Variants in NPAS2 observed in about 807,000 individuals in gnomAD.
NPAS2 encodes neuronal PAS domain-containing protein 2.
NPAS2 carries 23 observed loss-of-function variants against 107.5 expected under a neutral mutation model. That is an observed-to-expected ratio of 0.21 (90% confidence interval 0.15 to 0.30). The LOEUF (loss-of-function observed/expected upper bound fraction) is 0.30. Among genes scored for constraint, NPAS2 ranks in the 10% least tolerant of loss-of-function variants. The probability of loss-of-function intolerance (pLI) is 1.00; values close to 1 mark genes in which losing one functional copy is unlikely to be tolerated. For missense variants in NPAS2, 756 were observed against 1,043.3 expected, an observed-to-expected ratio of 0.72 and a Z score of 3.79; for synonymous variants, 403 against 417.5, an observed-to-expected ratio of 0.97 and a Z score of 0.42.
chr2:100,872,968 TC>T (rs1679669902), intron 1 of NPAS2, among the ~76,000 whole-genome samples: 2 of 152,038 alleles, frequency 1.3e-5, no homozygotes, highest in African/African-American at 2.4e-5. Context: ...ACCAAAGACT[TC>T]CTGGTTCAAT....
At chr2:100,900,772 A>G (rs1573578177) in intron 1 of NPAS2, among the ~76,000 whole-genome samples, 1 of 152,292 alleles carries the variant, frequency 6.6e-6, no homozygotes, top group Non-Finnish European at 1.5e-5. Context: ...GCTTTTTCAC[A>G]TTAATTTTAG....
At chr2:100,967,367 C>A (rs899688453) in intron 10 of NPAS2, among the ~76,000 whole-genome samples, 153 of 149,642 alleles carry the variant, frequency 1.0e-3, no homozygotes, top group Middle Eastern at 7.2e-3. Context: ...GCTGGGACAA[C>A]AGACGCCCGC....
chr2:100,897,659 A>G (rs1681497833), intron 1 of NPAS2, among the ~76,000 whole-genome samples: 1 of 152,086 alleles, frequency 6.6e-6, no homozygotes, highest in South Asian at 2.1e-4. Context: ...GACTCCCTAA[A>G]ACATCAGAAC....
chr2:100,993,904 A>G, intron 20 of NPAS2: 1 of 189,258 alleles, frequency 5.3e-6, no homozygotes, highest in Non-Finnish European at 1.1e-5. Context: ...CTATATAAAC[A>G]TAAAGTTAAA....
At chr2:100,990,660 G>A in intron 18 of NPAS2, 120 bp from the exon 19 acceptor site, 1 of 1,063,168 alleles carries the variant, frequency 9.4e-7, no homozygotes, top group South Asian at 1.4e-5. Context: ...ATGAAGCCAG[G>A]AGAGTGGGGA....
At chr2:100,917,373 C>T (rs1478272115) in intron 2 of NPAS2, among the ~76,000 whole-genome samples, 1 of 151,976 alleles carries the variant, frequency 6.6e-6, no homozygotes, top group East Asian at 1.9e-4. Flanking sequence ...ACTAAAAATA[C>T]AAAAATTAGC....
rs569833866 is a variant in NPAS2, at chr2:100,953,230, C to T, written c.598+3750C>T. 1.3e-4 allele frequency among the ~76,000 whole-genome samples: 20 copies of T among 151,804 alleles called. No homozygotes were observed. The East Asian group carries it at 3.9e-3, about 30-fold the overall frequency. Reference sequence around the variant, plus strand: ...TCTCTACTAAAAATACAAGAATTAGCCGAGTGTGGTGGCATTAGCCTGTAA... The same window carrying T: ...TCTCTACTAAAAATACAAGAATTAGTCGAGTGTGGTGGCATTAGCCTGTAA... On this transcript the variant is annotated intron_variant, in intron 7 of 20. Transcript: ENST00000335681.
intron 1 of NPAS2, among the ~76,000 whole-genome samples, chr2:100,831,836 G>C (rs1261005176): frequency 1.3e-5 from 2 of 152,088 alleles, no homozygotes; most frequent in Non-Finnish European, 2.9e-5. Context: ...TCCAGTTCAA[G>C]GTGGCCTTGA....
intron 4 of NPAS2, among the ~76,000 whole-genome samples, chr2:100,935,364 G>A (rs570634660): frequency 7.2e-5 from 11 of 152,298 alleles, no homozygotes; most frequent in Non-Finnish European, 1.2e-4. Flanking sequence ...AATGTGTGGC[G>A]GTTAGAAAAT....
chr2:100,937,970 G>A lies in NPAS2; in HGVS notation c.363+128G>A, dbSNP rs1684443476. The A allele has an allele frequency of 1.0e-5, 8 of 794,096 alleles. No homozygotes were observed. In the South Asian group the frequency reaches 1.2e-4, roughly 11 times the overall value. 49.2% of individuals were successfully genotyped at this position (794,096 alleles called of 1,614,324 possible). On this transcript the variant is annotated intron_variant, in intron 5 of 20. Coordinates refer to ENST00000335681, the MANE Select transcript of NPAS2 (RefSeq NM_002518.4). Reference sequence around the variant, plus strand: ...AGGTGAGAAGAGGGCGGAGAGTAAAGGACTGCTGAGTTTTGGGGACAGGAC... The same window carrying A: ...AGGTGAGAAGAGGGCGGAGAGTAAAAGACTGCTGAGTTTTGGGGACAGGAC...
At chr2:100,838,173 CTTT>C (rs35830048) in intron 1 of NPAS2, among the ~76,000 whole-genome samples, 34 of 134,070 alleles carry the variant, frequency 2.5e-4, no homozygotes, top group African/African-American at 8.4e-4. Context: ...CCTGGGTTAG[CTTT>C]TTTTTTTTTT....
chr2:100,990,441 G>A lies in NPAS2; in HGVS notation c.2013G>A (p.Gln671=), dbSNP rs759438730. ...QPSPDFSHDR[Q]LRLLLSQPIQ... is the part of the protein sequence containing the mutation. ...GCCCAGACTTCAGCCATGATCGGCA[G>A]CTCAGGTACGAGACTGCCCTTGTTT... is the stretch of plus-strand genomic sequence containing the variant. Residue 671 remains glutamine (Q), a synonymous_variant, in exon 18 of 21, where the codon CAG becomes CAA. Coordinates refer to ENST00000335681, the MANE Select transcript of NPAS2 (RefSeq NM_002518.4). 6 of 1,614,062 alleles carry A rather than the reference G, an allele frequency of 3.7e-6. No homozygotes were observed. In the African/African-American group the frequency reaches 6.7e-5, roughly 18 times the overall value.
At chr2:100,992,754 C>A (rs934951556) in intron 19 of NPAS2, among the ~76,000 whole-genome samples, 3 of 152,128 alleles carry the variant, frequency 2.0e-5, no homozygotes, top group Non-Finnish European at 4.4e-5. Context: ...AGCCCCAATG[C>A]CCATTTTTTG....
chr2:100,969,208 G>A (rs1399714265), intron 11 of NPAS2, among the ~76,000 whole-genome samples: 1 of 151,840 alleles, frequency 6.6e-6, no homozygotes, highest in Non-Finnish European at 1.5e-5. Context: ...TTAAGTTCTG[G>A]GATTCGTGTA....
chr2:100,961,647 C>T (rs1675920756), intron 7 of NPAS2, among the ~76,000 whole-genome samples: 3 of 152,196 alleles, frequency 2.0e-5, no homozygotes. Flanking sequence ...ACAGTAAGCT[C>T]TGCAAAACAT....
Position 100,878,046 on chromosome 2 carries a change from G to A in NPAS2, c.-22-26687G>A, listed in dbSNP as rs142904379. Reference sequence around the variant, plus strand: ...CAGAGTGCTGTTCTTTGTAGGCCCCGTGGACCTGCCGTGATTGCAAAAAGT... The same window carrying A: ...CAGAGTGCTGTTCTTTGTAGGCCCCATGGACCTGCCGTGATTGCAAAAAGT... On this transcript the variant is annotated intron_variant, in intron 1 of 20. Transcript: ENST00000335681. 1,147 of 985,394 alleles carry A rather than the reference G, an allele frequency of 1.2e-3. 15 individuals carry two copies. The African/African-American group carries it at 0.018, about 16-fold the overall frequency. The allele number at this position is 985,394 out of a possible 1,614,324, so 61.0% of individuals were successfully genotyped here.
intron 1 of NPAS2, among the ~76,000 whole-genome samples, chr2:100,855,355 C>T (rs936944928): frequency 1.3e-5 from 2 of 152,174 alleles, no homozygotes; most frequent in Non-Finnish European, 1.5e-5. Context: ...GCCTGTCTCA[C>T]GAAGGCCTCG....
chr2:100,964,041 T>G lies in NPAS2; in HGVS notation c.599-17T>G. 1 of 1,568,044 alleles carries G rather than the reference T, an allele frequency of 6.4e-7. No individual in the cohort carries two copies. Among genetic ancestry groups the G allele is most frequent in the Admixed American group, 1.7e-5 (1 of 59,904 alleles). ...GACAGGGCTAACCTATGTGTCCTCT[T>G]CTTCCCAACCCCCCAGTGCCTAGCC... On this transcript the variant is annotated splice_polypyrimidine_tract_variant and intron_variant, in intron 7 of 20. Coordinates refer to ENST00000335681, the MANE Select transcript of NPAS2 (RefSeq NM_002518.4).
chr2:100,841,686 CACAAAT>C (rs1232919481), intron 1 of NPAS2, among the ~76,000 whole-genome samples: 2 of 152,144 alleles, frequency 1.3e-5, no homozygotes, highest in Non-Finnish European at 2.9e-5. Flanking sequence ...TACATACACA[CACAAAT>C]ACATTTACAC....
Sources: gnomAD v4.1 joint callset for allele counts (sites outside exome capture counted in the v4.1 genomes callset) on GRCh38, gnomAD v4.1.1 for gene constraint, MANE v1.5 for transcripts, NCBI Gene and HGNC (gene_info 2026-07-23, HGNC 2026-07-21) for gene names.